The following DNM3 variants were observed in gnomAD, a reference collection of about 807,000 sequenced individuals.
DNM3 encodes dynamin 3.
In DNM3, 47 loss-of-function variants were observed where a neutral mutation model predicts 101.6. The observed-to-expected ratio is 0.46, with a 90% CI of 0.37 to 0.59. The LOEUF (loss-of-function observed/expected upper bound fraction) is 0.59, where lower values mean the gene tolerates loss of function less well. DNM3 is among the 20% of genes least tolerant of loss of function. DNM3 has a pLI of 0.00. For missense variants in DNM3, 849 were observed against 1,085.7 expected (o/e 0.78, Z 3.06); for synonymous variants, 385 against 387.9 (o/e 0.99, Z 0.09).
At chr1:172,227,550 G>A (rs917360987) in intron 14 of DNM3, among the ~76,000 whole-genome samples, 7 of 152,008 alleles carry the variant, frequency 4.6e-5, no homozygotes, top group African/African-American at 1.7e-4. Flanking sequence ...CCAACCAGCA[G>A]TGTATAAGTG....
chr1:171,925,170 G>A (rs1035315324), intron 2 of DNM3, among the ~76,000 whole-genome samples: 13 of 144,872 alleles, frequency 9.0e-5, no homozygotes, highest in African/African-American at 3.3e-4. Flanking sequence ...CAAAGTGTTG[G>A]GATTACAGGC....
At chr1:172,071,627 T>TG in intron 11 of DNM3, among the ~76,000 whole-genome samples, 1 of 150,050 alleles carries the variant, frequency 6.7e-6, no homozygotes, top group East Asian at 2.0e-4. Context: ...GGAAGCTTTG[T>TG]GGGAAAAAAA....
chr1:172,045,239 C>A (rs2049699547), intron 9 of DNM3, among the ~76,000 whole-genome samples: 1 of 152,172 alleles, frequency 6.6e-6, no homozygotes, highest in Non-Finnish European at 1.5e-5. Context: ...AAATTACCTT[C>A]CATCTTAGTC....
intron 1 of DNM3, among the ~76,000 whole-genome samples, chr1:171,862,330 C>T (rs2125047250): frequency 6.6e-6 from 1 of 152,220 alleles, no homozygotes; most frequent in Admixed American, 6.5e-5. Flanking sequence ...AAGGTGGAAA[C>T]ACCCAAATGC....
chr1:172,361,489 C>G (rs1003516223), intron 17 of DNM3, among the ~76,000 whole-genome samples: 1 of 151,978 alleles, frequency 6.6e-6, no homozygotes, highest in Non-Finnish European at 1.5e-5. Flanking sequence ...ACTTAACTCC[C>G]CTGCTTTTCC....
chr1:172,082,171 T>G (rs1355076282), intron 12 of DNM3, among the ~76,000 whole-genome samples: 1 of 152,222 alleles, frequency 6.6e-6, no homozygotes, highest in Non-Finnish European at 1.5e-5. Context: ...TGGATGATGT[T>G]CTGCAGTTTG....
At chr1:172,333,835 G>A (rs2066299759) in intron 17 of DNM3, among the ~76,000 whole-genome samples, 1 of 152,122 alleles carries the variant, frequency 6.6e-6, no homozygotes, top group East Asian at 1.9e-4. Flanking sequence ...GACCAGCTTT[G>A]CATAATGACA....
chr1:172,096,620 C>T (rs2054265369), intron 13 of DNM3, among the ~76,000 whole-genome samples: 1 of 152,114 alleles, frequency 6.6e-6, no homozygotes, highest in Non-Finnish European at 1.5e-5. Flanking sequence ...GAGAAAGGAG[C>T]ATAGTGAAAA....
At chr1:171,961,216 T>C (rs2043189471) in intron 2 of DNM3, among the ~76,000 whole-genome samples, 1 of 152,008 alleles carries the variant, frequency 6.6e-6, no homozygotes, top group Non-Finnish European at 1.5e-5. Context: ...GAAGAGGATG[T>C]TGGTGAGACA....
intron 17 of DNM3, among the ~76,000 whole-genome samples, chr1:172,357,918 G>A (rs192531320): frequency 5.4e-4 from 82 of 152,078 alleles, no homozygotes; most frequent in Non-Finnish European, 6.9e-4. Flanking sequence ...TCAATGCATG[G>A]CTTCAGGAAA....
chr1:171,845,266 C>T (rs190168990), intron 1 of DNM3, among the ~76,000 whole-genome samples: 93 of 152,302 alleles, frequency 6.1e-4, no homozygotes, highest in Middle Eastern at 3.4e-3. Context: ...TAATAAGAAG[C>T]TGGCCAGGCA....
chr1:172,085,496 A>C (rs536453899), intron 12 of DNM3, among the ~76,000 whole-genome samples: 1 of 152,256 alleles, frequency 6.6e-6, no homozygotes, highest in South Asian at 2.1e-4. Context: ...TATGCAGTCC[A>C]ATGGTTAAAG....
intron 14 of DNM3, among the ~76,000 whole-genome samples, chr1:172,192,695 AG>A (rs1253558515): frequency 6.6e-6 from 1 of 151,972 alleles, no homozygotes; most frequent in Non-Finnish European, 1.5e-5. Flanking sequence ...GTTCCTACAA[AG>A]GACATGAACT....
intron 12 of DNM3, among the ~76,000 whole-genome samples, chr1:172,087,580 C>G (rs1464393991): frequency 6.6e-6 from 1 of 152,136 alleles, no homozygotes; most frequent in Non-Finnish European, 1.5e-5. Flanking sequence ...ATGGCACCTC[C>G]CAGTCCTATT....
At chr1:171,841,882 C>G in intron 1 of DNM3, 65 bp downstream of exon 1, 4 of 1,541,102 alleles carry the variant, frequency 2.6e-6, no homozygotes, top group Non-Finnish European at 3.5e-6. Context: ...GCCGTTGGAA[C>G]GTGGACGGGC....
intron 13 of DNM3, among the ~76,000 whole-genome samples, chr1:172,116,612 T>A (rs1342820589): frequency 6.6e-6 from 1 of 152,196 alleles, no homozygotes; most frequent in African/African-American, 2.4e-5. Flanking sequence ...GGTAGCCACC[T>A]CAGCTCTATG....
intron 15 of DNM3, among the ~76,000 whole-genome samples, chr1:172,287,688 A>G (rs980864538): frequency 6.6e-6 from 1 of 152,064 alleles, no homozygotes; most frequent in African/African-American, 2.4e-5. Context: ...CTTTGAGACA[A>G]CAGGCAACGG....
At chr1:171,869,566 GAA>G (rs2035081868) in intron 1 of DNM3, among the ~76,000 whole-genome samples, 2 of 152,240 alleles carry the variant, frequency 1.3e-5, no homozygotes, top group South Asian at 2.1e-4. Flanking sequence ...TATCCATATA[GAA>G]ACTTAAGCTC....
intron 14 of DNM3, among the ~76,000 whole-genome samples, chr1:172,212,953 A>G (rs1481729395): frequency 6.6e-6 from 1 of 152,080 alleles, no homozygotes; most frequent in Non-Finnish European, 1.5e-5. Flanking sequence ...GTAGTCAAAC[A>G]TCTTTTTTTT....
Sources: allele counts gnomAD v4.1 joint callset (sites outside exome capture counted in the v4.1 genomes callset), GRCh38; gene constraint gnomAD v4.1.1; transcripts MANE v1.5; gene names NCBI Gene and HGNC (gene_info 2026-07-23, HGNC 2026-07-21).